Variants in ATP2B1 observed in about 807,000 individuals in gnomAD.
The protein encoded by ATP2B1 is ATPase plasma membrane Ca2+ transporting 1.
ATP2B1 carries 14 observed loss-of-function variants against 124.2 expected under a neutral mutation model. The observed-to-expected ratio is 0.11, with a 90% CI of 0.07 to 0.18. The LOEUF is 0.18. ATP2B1 is among the 10% of genes least tolerant of loss of function. ATP2B1 has a pLI of 1.00. For missense variants in ATP2B1, 763 were observed against 1,466.1 expected (o/e 0.52, Z 7.83); for synonymous variants, 449 against 492.4 (o/e 0.91, Z 1.17).
intron 1 of ATP2B1, among the ~76,000 whole-genome samples, chr12:89,684,400 A>C (rs1199937713): frequency 6.6e-6 from 1 of 152,172 alleles, no homozygotes; most frequent in Non-Finnish European, 1.5e-5. Flanking sequence ...TAAAGACAAA[A>C]ATGGGATGAG....
chr12:89,700,922 CTT>C (rs1405911035), intron 1 of ATP2B1, among the ~76,000 whole-genome samples: 1 of 152,142 alleles, frequency 6.6e-6, no homozygotes, highest in Non-Finnish European at 1.5e-5. Context: ...GAGAACAACT[CTT>C]ATTTTTTCAA....
intron 15 of ATP2B1, among the ~76,000 whole-genome samples, chr12:89,608,859 T>C (rs1877464902): frequency 6.6e-6 from 1 of 152,162 alleles, no homozygotes; most frequent in South Asian, 2.1e-4. Flanking sequence ...CCTCTTCAGC[T>C]ATGCTTCACA....
At chr12:89,660,831 C>T (rs1886615085) in intron 1 of ATP2B1, among the ~76,000 whole-genome samples, 1 of 152,120 alleles carries the variant, frequency 6.6e-6, no homozygotes, top group South Asian at 2.1e-4. Context: ...GACCTCAAAC[C>T]ATTTCAGATA....
At chr12:89,672,469 T>C (rs544698800) in intron 1 of ATP2B1, among the ~76,000 whole-genome samples, 1 of 152,176 alleles carries the variant, frequency 6.6e-6, no homozygotes, top group Non-Finnish European at 1.5e-5. Context: ...ATAAAAACAA[T>C]TTTAAAAAGG....
In ATP2B1 at chr12:89,616,799, C is replaced by A. The variant is rs373104450; in HGVS notation, c.2067+3G>T. The A allele has an allele frequency of 3.7e-6, 6 of 1,610,758 alleles. No homozygotes were observed. Among genetic ancestry groups the A allele is most frequent in the Non-Finnish European group, 5.1e-6 (6 of 1,177,076 alleles). ...ACATGCAGAACACAGAATGTTTCAC[C>A]ACCTCAGGTCTCACAGGATCTTCAA... is the stretch of plus-strand genomic sequence containing the variant. On this transcript the variant is annotated splice_donor_region_variant and intron_variant, in intron 12 of 20. Coordinates refer to ENST00000428670, the MANE Select transcript of ATP2B1 (RefSeq NM_001366521.1).
chr12:89,702,784 G>A (rs1178439406), intron 1 of ATP2B1, among the ~76,000 whole-genome samples: 3 of 152,090 alleles, frequency 2.0e-5, no homozygotes, highest in Non-Finnish European at 4.4e-5. Flanking sequence ...ACAAAAGCAG[G>A]TATCCCATAT....
At chr12:89,644,867 T>G (rs1884201464) in intron 2 of ATP2B1, among the ~76,000 whole-genome samples, 1 of 152,192 alleles carries the variant, frequency 6.6e-6, no homozygotes, top group South Asian at 2.1e-4. Context: ...GGACCAATAT[T>G]TTATGTTACC....
Position 89,591,016 on chromosome 12 carries a change from T to C in ATP2B1, c.3631A>G (p.Ser1211Gly). Residue 1211 changes from serine (S) to glycine (G), a missense_variant, in exon 21 of 21, where the codon AGC becomes GGC. Ser to Gly is a moderately conservative substitution (Grantham distance 56, BLOSUM62 0). Coordinates refer to ENST00000428670, the MANE Select transcript of ATP2B1 (RefSeq NM_001366521.1). ...GATGTTTCCAAACTATGTAGTGGGC[T>C]TCCTGGGGATGAAGAGGTAGCAGAC... ...NKSATSSSPG[S>G]PLHSLETSL The C allele has an allele frequency of 6.2e-7, 1 of 1,613,010 alleles. No individual in the cohort carries two copies.
At chr12:89,627,622 AG>A in intron 7 of ATP2B1, 55 bp downstream of exon 7, 1 of 1,566,286 alleles carries the variant, frequency 6.4e-7, no homozygotes, top group Non-Finnish European at 8.8e-7. Flanking sequence ...GGTATACAGT[AG>A]ATTTTTGGAT....
At chr12:89,626,029 G>A (rs893975948) in intron 8 of ATP2B1, among the ~76,000 whole-genome samples, 7 of 152,094 alleles carry the variant, frequency 4.6e-5, no homozygotes, top group South Asian at 4.2e-4. Context: ...AACTTCAGCC[G>A]CACTACAACG....
intron 1 of ATP2B1, among the ~76,000 whole-genome samples, chr12:89,687,146 T>G (rs1344569972): frequency 2.0e-5 from 3 of 152,150 alleles, no homozygotes; most frequent in Admixed American, 1.3e-4. Context: ...ATGATTAAAG[T>G]ACAGCCATGC....
chr12:89,613,256 T>C (rs1295281330), intron 12 of ATP2B1, among the ~76,000 whole-genome samples: 1 of 152,156 alleles, frequency 6.6e-6, no homozygotes, highest in African/African-American at 2.4e-5. Context: ...AATGGGATTA[T>C]AGGTGTGAGC....
At chr12:89,695,067 A>G (rs199561448) in intron 1 of ATP2B1, among the ~76,000 whole-genome samples, 1 of 146,078 alleles carries the variant, frequency 6.8e-6, no homozygotes, top group African/African-American at 2.5e-5. Context: ...TCAAAAAAAA[A>G]AAAAGAAAAG....
intron 2 of ATP2B1, among the ~76,000 whole-genome samples, chr12:89,642,871 C>T (rs935810364): frequency 2.0e-5 from 3 of 151,896 alleles, no homozygotes; most frequent in Non-Finnish European, 4.4e-5. Context: ...TCCCAAAGTG[C>T]TGGGATTACA....
chr12:89,601,309 A>T lies in ATP2B1; in HGVS notation c.3168+17T>A. On this transcript the variant is annotated intron_variant, in intron 19 of 20. Coordinates refer to ENST00000428670, the MANE Select transcript of ATP2B1 (RefSeq NM_001366521.1). Reference sequence around the variant, plus strand: ...AAAATCACTTTAGGTTTAAACAAAAACTGATGAAATTTTTACCTGGCCCCA... The same window carrying T: ...AAAATCACTTTAGGTTTAAACAAAATCTGATGAAATTTTTACCTGGCCCCA... The T allele has an allele frequency of 6.6e-7, 1 of 1,507,572 alleles. No individual in the cohort carries two copies. The highest frequency in any genetic ancestry group is 9.0e-7 in the Non-Finnish European group (1 of 1,117,142). 93.4% of individuals were successfully genotyped at this position (1,507,572 alleles called of 1,614,324 possible). A position where few individuals can be genotyped will look rare whatever the true frequency, so the allele number is the denominator to read the frequency against.
chr12:89,674,199 A>C (rs1173396933), intron 1 of ATP2B1, among the ~76,000 whole-genome samples: 1 of 152,092 alleles, frequency 6.6e-6, no homozygotes, highest in Non-Finnish European at 1.5e-5. Flanking sequence ...CAATCAATCA[A>C]ACTACTAATT....
At chr12:89,682,439 G>C (rs572873484) in intron 1 of ATP2B1, among the ~76,000 whole-genome samples, 1 of 152,266 alleles carries the variant, frequency 6.6e-6, no homozygotes, top group South Asian at 2.1e-4. Flanking sequence ...GGAAATATTA[G>C]CTCTACCAGA....
intron 1 of ATP2B1, among the ~76,000 whole-genome samples, chr12:89,693,787 G>C (rs1050462750): frequency 6.6e-6 from 1 of 152,166 alleles, no homozygotes; most frequent in African/African-American, 2.4e-5. Flanking sequence ...AACACCTAAA[G>C]TGGAGTAAGG....
At chr12:89,666,925 T>C (rs1887375346) in intron 1 of ATP2B1, among the ~76,000 whole-genome samples, 1 of 152,024 alleles carries the variant, frequency 6.6e-6, no homozygotes, top group Non-Finnish European at 1.5e-5. Flanking sequence ...AATATTCAGA[T>C]ACATTCTACT....
Sources: allele counts gnomAD v4.1 joint callset (sites outside exome capture counted in the v4.1 genomes callset), GRCh38; gene constraint gnomAD v4.1.1; transcripts MANE v1.5; gene names NCBI Gene and HGNC (gene_info 2026-07-23, HGNC 2026-07-21).